The following SEMA5A variants were observed in gnomAD, a reference collection of about 807,000 sequenced individuals.
SEMA5A encodes the protein semaphorin 5A, also known as semaphorin-5A.
SEMA5A carries 55 observed loss-of-function variants against 135.5 expected under a neutral mutation model. The observed-to-expected ratio is 0.41, with a 90% CI of 0.33 to 0.51. The LOEUF (loss-of-function observed/expected upper bound fraction) is 0.51. SEMA5A is among the 20% of genes least tolerant of loss of function. SEMA5A has a pLI of 0.37. For synonymous variants in SEMA5A, 580 were observed against 546.5 expected (o/e 1.06, Z -0.85); for missense variants, 1,290 against 1,419.9 (o/e 0.91, Z 1.47).
At chr5:9,488,697 T>C (rs766331299) in intron 1 of SEMA5A, among the ~76,000 whole-genome samples, 22 of 152,184 alleles carry the variant, frequency 1.4e-4, no homozygotes, top group Non-Finnish European at 2.9e-4. Flanking sequence ...ATGACACGTA[T>C]TTATTTACAA....
intron 16 of SEMA5A, among the ~76,000 whole-genome samples, chr5:9,069,881 G>A (rs1737682269): frequency 6.6e-6 from 1 of 152,148 alleles, no homozygotes; most frequent in Non-Finnish European, 1.5e-5. Flanking sequence ...ACGCGTGTGT[G>A]ATCTCTTTCA....
At chr5:9,299,862 C>A (rs1579304053) in intron 5 of SEMA5A, among the ~76,000 whole-genome samples, 1 of 152,284 alleles carries the variant, frequency 6.6e-6, no homozygotes, top group Admixed American at 6.5e-5. Flanking sequence ...CCTCAGATAT[C>A]CAAATGTAGC....
At chr5:9,311,738 T>C (rs1448896901) in intron 5 of SEMA5A, among the ~76,000 whole-genome samples, 1 of 152,048 alleles carries the variant, frequency 6.6e-6, no homozygotes, top group African/African-American at 2.4e-5. Flanking sequence ...AAACTTAAAG[T>C]ATAATGATAA....
Position 9,443,194 on chromosome 5 carries a change from C to T in SEMA5A, c.-174-5342G>A, listed in dbSNP as rs572860706. Among the ~76,000 whole-genome samples, 4 of 152,312 alleles carry T rather than the reference C, an allele frequency of 2.6e-5. No individual in the cohort carries two copies. In the South Asian group the frequency reaches 8.3e-4, roughly 32 times the overall value. On this transcript the variant is annotated intron_variant, in intron 1 of 22. Coordinates refer to ENST00000382496, the MANE Select transcript of SEMA5A (RefSeq NM_003966.3). ...TGTGCTTGGATAAATCGACAGTGGA[C>T]ATTTAGGATAATAATGTCCCTTGAA...
chr5:9,277,555 G>A (rs1750325902), intron 5 of SEMA5A, among the ~76,000 whole-genome samples: 1 of 152,054 alleles, frequency 6.6e-6, no homozygotes, highest in Non-Finnish European at 1.5e-5. Context: ...GCAAAGACTT[G>A]GAACCTACTC....
At chr5:9,382,378 G>C (rs2126490456) in intron 2 of SEMA5A, among the ~76,000 whole-genome samples, 1 of 152,126 alleles carries the variant, frequency 6.6e-6, no homozygotes, top group East Asian at 1.9e-4. Flanking sequence ...GAGGGGAAAA[G>C]CTATTAGGGT....
chr5:9,466,948 T>C (rs1258508346), intron 1 of SEMA5A, among the ~76,000 whole-genome samples: 1 of 152,196 alleles, frequency 6.6e-6, no homozygotes, highest in Non-Finnish European at 1.5e-5. Flanking sequence ...GCAGTAACAA[T>C]GCAGAGAAGA....
intron 5 of SEMA5A, among the ~76,000 whole-genome samples, chr5:9,270,775 A>G (rs1438937221): frequency 1.3e-5 from 2 of 151,858 alleles, no homozygotes; most frequent in Non-Finnish European, 2.9e-5. Context: ...CTTCTGGTCA[A>G]AAAAGAAAAA....
chr5:9,156,008 A>G lies in SEMA5A; in HGVS notation c.1274-1313T>C, dbSNP rs1806145. Among the ~76,000 whole-genome samples the G allele has an allele frequency of 1.9e-3, 285 of 152,352 alleles. 1 individual carries two copies. Among genetic ancestry groups the G allele is most frequent in the African/African-American group, 4.6e-3 (191 of 41,584 alleles). ...AATATGCTACTTTTTAAAAAGGTCA[A>G]TCATACACTGAAGTATGCTATATGC... is the stretch of plus-strand genomic sequence containing the variant. On this transcript the variant is annotated intron_variant, in intron 11 of 22. Transcript: ENST00000382496.
At chr5:9,417,398 AAATCTGAATTTTT>A (rs1433266579) in intron 2 of SEMA5A, among the ~76,000 whole-genome samples, 1 of 152,202 alleles carries the variant, frequency 6.6e-6, no homozygotes, top group African/African-American at 2.4e-5. Context: ...TTTCTCACAT[AAATCTGAATTTTT>A]AAGCCTTAAG....
chr5:9,315,477 A>G lies in SEMA5A; in HGVS notation c.270+2895T>C, dbSNP rs114884220. Among the ~76,000 whole-genome samples the G allele has an allele frequency of 4.9e-3, 750 of 152,314 alleles. 2 individuals are homozygous for G. Among genetic ancestry groups the G allele is most frequent in the Non-Finnish European group, 6.7e-3 (458 of 68,026 alleles). On this transcript the variant is annotated intron_variant, in intron 5 of 22. Coordinates refer to ENST00000382496, the MANE Select transcript of SEMA5A (RefSeq NM_003966.3). ...TTGTCCAAATAATGTCCTTTATAGT[A>G]AGAAAAAATATATCTGCTGCAAGAT...
At chr5:9,358,063 T>A (rs1754530243) in intron 3 of SEMA5A, among the ~76,000 whole-genome samples, 1 of 152,148 alleles carries the variant, frequency 6.6e-6, no homozygotes. Flanking sequence ...CCAACATATG[T>A]TCAGAGTCCT....
chr5:9,197,275 C>A lies in SEMA5A; in HGVS notation c.961G>T (p.Val321Phe), dbSNP rs146817742. ...VNSIAASAVC[V>F]FNLSAIAQAF... ...TGCGCGATGGCGCTCAGGTTGAAGA[C>A]GCACACAGCTGAGGCCGCAATGCTG... The change falls in exon 10 of 23, where the codon GTC becomes TTC. Residue 321 changes from valine (V) to phenylalanine (F), a missense_variant. By Grantham distance (50) the Val-to-Phe change is conservative. This residue lies in a region of SEMA5A where 1,029 missense variants were observed against 1,086.6 expected (regional missense o/e 0.95). Transcript: ENST00000382496. The A allele has an allele frequency of 6.2e-7, 1 of 1,613,956 alleles. No individual in the cohort carries two copies. The highest frequency in any genetic ancestry group is 8.5e-7 in the Non-Finnish European group (1 of 1,179,992).
chr5:9,167,703 T>C (rs1157835606), intron 11 of SEMA5A, among the ~76,000 whole-genome samples: 1 of 152,216 alleles, frequency 6.6e-6, no homozygotes, highest in Non-Finnish European at 1.5e-5. Flanking sequence ...CCAAAGTCTG[T>C]GTGCTTATGG....
intron 2 of SEMA5A, among the ~76,000 whole-genome samples, chr5:9,419,120 G>T (rs919605009): frequency 1.3e-5 from 2 of 151,720 alleles, no homozygotes; most frequent in African/African-American, 4.8e-5. Flanking sequence ...CTTAATTTCT[G>T]TGTTCACCTA....
At chr5:9,091,355 G>A (rs1375411935) in intron 16 of SEMA5A, among the ~76,000 whole-genome samples, 1 of 152,150 alleles carries the variant, frequency 6.6e-6, no homozygotes, top group Non-Finnish European at 1.5e-5. Context: ...TTATACTGTA[G>A]ATGTACCCAT....
At chr5:9,106,835 G>T (rs986814553) in intron 16 of SEMA5A, among the ~76,000 whole-genome samples, 5 of 152,160 alleles carry the variant, frequency 3.3e-5, no homozygotes, top group African/African-American at 1.2e-4. Context: ...GGCTGATCTG[G>T]AAAGAAGTGT....
chr5:9,309,823 A>G (rs1047377060), intron 5 of SEMA5A, among the ~76,000 whole-genome samples: 1 of 132,628 alleles, frequency 7.5e-6, no homozygotes, highest in African/African-American at 2.7e-5. Flanking sequence ...AACGTTATTT[A>G]AAAAGTAGAG....
chr5:9,518,101 T>C (rs1357931863), intron 1 of SEMA5A: 1 of 152,084 alleles, frequency 6.6e-6, no homozygotes, highest in African/African-American at 2.4e-5. Flanking sequence ...AAATTAACGA[T>C]GAAAAAATCC....
Sources: gnomAD v4.1 joint callset for allele counts (sites outside exome capture counted in the v4.1 genomes callset) on GRCh38, gnomAD v4.1.1 for gene constraint, gnomAD v4.1.1 regional missense constraint, MANE v1.5 for transcripts, NCBI Gene and HGNC (gene_info 2026-07-23, HGNC 2026-07-21) for gene names.